PCLO: variants seen among roughly 807,000 people sequenced by gnomAD.
The protein encoded by PCLO is piccolo presynaptic cytomatrix protein.
PCLO carries 82 observed loss-of-function variants against 427.5 expected under a neutral mutation model. The observed-to-expected ratio is 0.19, with a 90% confidence interval of 0.16 to 0.23. The LOEUF (loss-of-function observed/expected upper bound fraction) is 0.23, where lower values mean the gene tolerates loss of function less well. Ranked by LOEUF, PCLO falls within the 10% of genes least tolerant of loss-of-function variation. The probability of loss-of-function intolerance (pLI) is 1.00; values close to 1 mark genes in which losing one functional copy is unlikely to be tolerated. For synonymous variants in PCLO, 2,357 were observed against 2,155.4 expected (o/e 1.09, Z -2.59); for missense variants, 6,239 against 6,115.9 (o/e 1.02, Z -0.67).
Position 82,916,555 on chromosome 7 carries a change from C to A in PCLO, c.11431G>T (p.Ala3811Ser). The change falls in exon 7 of 25, where the codon GCC becomes TCC. Residue 3811 changes from alanine (A) to serine (S), a missense_variant. Ala to Ser is a moderately conservative substitution (Grantham distance 99). Transcript: ENST00000333891. ...LEMGINRRKEALLKEREKRER... is the reference protein window; with the variant it reads ...LEMGINRRKESLLKEREKRER... ...CTCTTTTCTCTCTCCTTTAATAGGGCCTCTTTCCTCCTGTTAATTCCCATT... is the reference window on the plus strand; with the variant it reads ...CTCTTTTCTCTCTCCTTTAATAGGGACTCTTTCCTCCTGTTAATTCCCATT... The A allele has an allele frequency of 3.1e-6, 5 of 1,613,612 alleles. No individual in the cohort carries two copies. The highest frequency in any genetic ancestry group is 4.2e-6 in the Non-Finnish European group (5 of 1,179,700).
rs1790278399 is a variant in PCLO at position 82,754,558 on chromosome 7, TTCG to T, written c.*4014_*4016del. 1 of 152,126 alleles carries T rather than the reference TTCG, an allele frequency of 6.6e-6. No individual in the cohort carries two copies. The highest frequency in any genetic ancestry group is 2.1e-4 in the South Asian group (1 of 4,838). 9.4% of individuals were successfully genotyped at this position (152,126 alleles called of 1,614,324 possible). ...TGCCAAATGAAATTAATATTTCAACTTCGTCTACTTTACCAAGTGTATACTTAT... is the reference window on the plus strand; with the variant it reads ...TGCCAAATGAAATTAATATTTCAACTTCTACTTTACCAAGTGTATACTTAT... On this transcript the variant is annotated 3_prime_UTR_variant, in exon 25 of 25. Transcript: ENST00000333891.
At chr7:82,946,154 T>TA (rs1795195625) in intron 6 of PCLO, among the ~76,000 whole-genome samples, 1 of 152,208 alleles carries the variant, frequency 6.6e-6, no homozygotes, top group African/African-American at 2.4e-5. Flanking sequence ...CATATTAACT[T>TA]AGATTATCAA....
rs554572034 is a variant in PCLO at position 82,968,755 on chromosome 7, G to A, written c.3301-2268C>T. 4.6e-5 allele frequency among the ~76,000 whole-genome samples: 7 copies of A among 152,120 alleles called. No homozygotes were observed. The South Asian group carries it at 1.2e-3, about 27-fold the overall frequency. On this transcript the variant is annotated intron_variant, in intron 3 of 24. Transcript: ENST00000333891. ...GGATTGGTCTAGATCTCCTGACCTT[G>A]TGATCTGCCTGTCTTGGCCTCCCAA... is the stretch of plus-strand genomic sequence containing the variant.
intron 3 of PCLO, among the ~76,000 whole-genome samples, chr7:83,116,792 A>C (rs1184361345): frequency 6.6e-6 from 1 of 152,176 alleles, no homozygotes; most frequent in African/African-American, 2.4e-5. Flanking sequence ...TCCCACGCCA[A>C]ACATGTCAGG....
At chr7:82,785,712 T>C (rs1255011785) in intron 22 of PCLO, among the ~76,000 whole-genome samples, 2 of 151,870 alleles carry the variant, frequency 1.3e-5, no homozygotes, top group Admixed American at 6.6e-5. Flanking sequence ...GAGGGGTGGG[T>C]CTCAAAGGAT....
chr7:82,900,118 C>G (rs1027696732), intron 9 of PCLO, among the ~76,000 whole-genome samples: 40 of 151,602 alleles, frequency 2.6e-4, no homozygotes, highest in African/African-American at 9.4e-4. Context: ...AGCAATAAAA[C>G]TATGAAAGTT....
chr7:83,043,912 C>CTTTTTTTTTTTTTTTTT lies in PCLO; in HGVS notation c.3301-77442_3301-77426dup, dbSNP rs869061778. ...AACTCAATCTTATTACTATTATTTTCTTTTTTTTTTTTTTTTTTTTTTTGC... is the reference window on the plus strand; with the variant it reads ...AACTCAATCTTATTACTATTATTTTCTTTTTTTTTTTTTTTTTTTTTTTTTTTTTTTTTTTTTTTTGC... On this transcript the variant is annotated intron_variant, in intron 3 of 24. Coordinates refer to ENST00000333891, the MANE Select transcript of PCLO (RefSeq NM_033026.6). 4.5e-4 allele frequency among the ~76,000 whole-genome samples: 43 copies of CTTTTTTTTTTTTTTTTT among 94,910 alleles called. 2 individuals are homozygous for CTTTTTTTTTTTTTTTTT. Among genetic ancestry groups the CTTTTTTTTTTTTTTTTT allele is most frequent in the East Asian group, 8.5e-4 (2 of 2,360 alleles). 62.3% of individuals were successfully genotyped at this position (94,910 alleles called of 152,430 possible).
intron 22 of PCLO, among the ~76,000 whole-genome samples, chr7:82,778,314 G>C (rs1201864389): frequency 6.6e-6 from 1 of 152,164 alleles, no homozygotes; most frequent in Non-Finnish European, 1.5e-5. Flanking sequence ...TATGCTGTTA[G>C]TGGGAGTGTA....
Position 82,956,886 on chromosome 7 carries a change from C to G in PCLO, c.4067G>C (p.Ser1356Thr), listed in dbSNP as rs377062928. The change falls in exon 5 of 25, where the codon AGC becomes ACC. Residue 1356 changes from serine (S) to threonine (T), a missense_variant. Physicochemically the swap from Ser to Thr is moderately conservative, Grantham distance 58. Around this residue, in one of 5 missense-constraint regions of PCLO, gnomAD observed 4,677 missense variants for 4,468.4 expected, o/e 1.05. Transcript: ENST00000333891. ...SDTSSSQQPK[S>T]PQGLSDTGYS... Reference sequence around the variant, plus strand: ...TCCCGTGTCGCTCAGACCTTGGGGGCTTTTAGGCTGCTGAGAACTTGAGGT... The same window carrying G: ...TCCCGTGTCGCTCAGACCTTGGGGGGTTTTAGGCTGCTGAGAACTTGAGGT... 43 of 1,612,780 alleles carry G rather than the reference C, an allele frequency of 2.7e-5. No individual in the cohort carries two copies. The African/African-American group carries it at 2.7e-4, about 10-fold the overall frequency.
intron 1 of PCLO, among the ~76,000 whole-genome samples, chr7:83,160,057 C>T (rs553403536): frequency 3.9e-5 from 6 of 152,226 alleles, no homozygotes; most frequent in African/African-American, 9.6e-5. Flanking sequence ...CTGTAGCCAT[C>T]GGTGACAGTG....
At position 83,034,401 on chromosome 7, in the gene PCLO, C is replaced by G. The variant is rs369289018; in HGVS notation, c.3301-67914G>C. The stretch of plus-strand genomic sequence containing the variant: ...ATGGGGTTTTGCCATGTTGGCCAAG[C>G]TGGTCTTGAACTCCTGGCCTCAAGC... On this transcript the variant is annotated intron_variant, in intron 3 of 24. Coordinates refer to ENST00000333891, the MANE Select transcript of PCLO (RefSeq NM_033026.6). Among the ~76,000 whole-genome samples, 159 of 152,312 alleles carry G rather than the reference C, an allele frequency of 1.0e-3. 1 individual carries two copies. The highest frequency in any genetic ancestry group is 0.01 in the Middle Eastern group (3 of 294).
intron 9 of PCLO, among the ~76,000 whole-genome samples, chr7:82,887,631 G>T (rs1013048530): frequency 6.6e-6 from 1 of 152,138 alleles, no homozygotes; most frequent in Admixed American, 6.6e-5. Context: ...CAGGAGAAAT[G>T]ATAATGTTTC....
chr7:82,891,556 G>C (rs1793766414), intron 9 of PCLO, among the ~76,000 whole-genome samples: 1 of 151,546 alleles, frequency 6.6e-6, no homozygotes, highest in African/African-American at 2.4e-5. Context: ...GTCCTAGCCA[G>C]AACTTCCAAC....
intron 20 of PCLO, among the ~76,000 whole-genome samples, chr7:82,816,867 T>C (rs1791689347): frequency 6.6e-6 from 1 of 152,130 alleles, no homozygotes; most frequent in Non-Finnish European, 1.5e-5. Flanking sequence ...CCATTGATGG[T>C]AGGTCAGTGA....
chr7:83,067,130 A>G (rs1789689325), intron 3 of PCLO, among the ~76,000 whole-genome samples: 1 of 152,214 alleles, frequency 6.6e-6, no homozygotes, highest in Non-Finnish European at 1.5e-5. Flanking sequence ...CATCCCCAAG[A>G]TATCTCATTA....
At chr7:82,844,902 T>G (rs1792459364) in intron 13 of PCLO, among the ~76,000 whole-genome samples, 1 of 152,168 alleles carries the variant, frequency 6.6e-6, no homozygotes, top group Admixed American at 6.6e-5. Flanking sequence ...TTTTACTTTT[T>G]ACTTAATTAT....
At chr7:82,886,579 T>G (rs1489584000) in intron 9 of PCLO, among the ~76,000 whole-genome samples, 1 of 152,172 alleles carries the variant, frequency 6.6e-6, no homozygotes, top group East Asian at 1.9e-4. Context: ...GCTAGATTAT[T>G]TTTACACTAC....
At chr7:82,847,095 T>G in intron 11 of PCLO, 44 bp downstream of exon 11, 1 of 1,068,230 alleles carries the variant, frequency 9.4e-7, no homozygotes, top group Non-Finnish European at 1.4e-6. Context: ...AAAAGAGTCA[T>G]GGATAGCCAA....
At chr7:82,803,932 G>T (rs1791409364) in intron 21 of PCLO, among the ~76,000 whole-genome samples, 1 of 151,764 alleles carries the variant, frequency 6.6e-6, no homozygotes. Context: ...ATTAGAATGT[G>T]GTATATATAT....
Sources: gnomAD v4.1 joint callset for allele counts (sites outside exome capture counted in the v4.1 genomes callset) on GRCh38, gnomAD v4.1.1 for gene constraint, gnomAD v4.1.1 regional missense constraint, MANE v1.5 for transcripts, NCBI Gene and HGNC (gene_info 2026-07-23, HGNC 2026-07-21) for gene names.